Variants in PCDHA11 observed in about 807,000 individuals in gnomAD.
PCDHA11 encodes the protein protocadherin alpha 11, also known as protocadherin alpha-11.
PCDHA11 carries 61 observed loss-of-function variants against 70.3 expected under a neutral mutation model. The observed-to-expected ratio is 0.87, with a 90% CI of 0.71 to 1.07. The LOEUF (loss-of-function observed/expected upper bound fraction) is 1.07, where lower values mean the gene tolerates loss of function less well. Among genes scored for constraint, PCDHA11 ranks in the 50% least tolerant of loss-of-function variants. The pLI, the probability that PCDHA11 is intolerant of heterozygous loss-of-function variation, is 0.00. For synonymous variants in PCDHA11, 633 were observed against 555.1 expected (o/e 1.14, Z -1.97); for missense variants, 1,324 against 1,237.5 (o/e 1.07, Z -1.05).
chr5:140,970,425 C>T (rs1554232453), intron 1 of PCDHA11, among the ~76,000 whole-genome samples: 1 of 151,722 alleles, frequency 6.6e-6, no homozygotes, highest in Non-Finnish European at 1.5e-5. Flanking sequence ...GGTGTAGAGG[C>T]AGGTGTTAGT....
At chr5:140,976,208 A>G (rs2096706017) in intron 1 of PCDHA11, among the ~76,000 whole-genome samples, 1 of 152,202 alleles carries the variant, frequency 6.6e-6, no homozygotes, top group Non-Finnish European at 1.5e-5. Context: ...TCAGAAGTAA[A>G]AAAGAGAAAG....
intron 1 of PCDHA11, chr5:140,877,774 G>T (rs782686661): frequency 1.2e-6 from 2 of 1,614,176 alleles, no homozygotes; most frequent in South Asian, 2.2e-5. Context: ...GCCCAAGACG[G>T]ACCTCATGGC....
At chr5:140,941,299 TC>T (rs1554214293) in intron 1 of PCDHA11, among the ~76,000 whole-genome samples, 2 of 144,342 alleles carry the variant, frequency 1.4e-5, no homozygotes, top group African/African-American at 2.5e-5. Context: ...TTTCTTTCTT[TC>T]TTTCTTTTTC....
intron 1 of PCDHA11, among the ~76,000 whole-genome samples, chr5:140,973,646 A>C (rs1413605589): frequency 1.3e-5 from 2 of 152,216 alleles, no homozygotes; most frequent in African/African-American, 4.8e-5. Flanking sequence ...TTCTGACTGA[A>C]GAAGAAATCT....
At chr5:140,984,680 AT>A (rs1180119303) in intron 3 of PCDHA11, among the ~76,000 whole-genome samples, 1 of 152,158 alleles carries the variant, frequency 6.6e-6, no homozygotes, top group East Asian at 1.9e-4. Context: ...TTAGGACTCA[AT>A]ATATGTTCTG....
intron 1 of PCDHA11, among the ~76,000 whole-genome samples, chr5:140,888,380 A>G (rs1348796416): frequency 6.6e-6 from 1 of 152,192 alleles, no homozygotes; most frequent in East Asian, 1.9e-4. Context: ...GAGCTCTGAG[A>G]TGCTGCTAAA....
chr5:141,005,049 T>C (rs1248594838), intron 3 of PCDHA11, among the ~76,000 whole-genome samples: 6 of 152,264 alleles, frequency 3.9e-5, no homozygotes, highest in African/African-American at 1.4e-4. Context: ...TACCATTTAC[T>C]GAATTCTTGC....
Position 140,881,357 on chromosome 5 carries a change from CT to C in PCDHA11, c.2391+9866del, listed in dbSNP as rs1486951603. 3.0e-6 allele frequency: 3 copies of C among 985,228 alleles called. No homozygotes were observed. The African/African-American group carries it at 5.2e-5, about 17-fold the overall frequency. 61.0% of individuals were successfully genotyped at this position (985,228 alleles called of 1,614,324 possible). A position where few individuals can be genotyped will look rare whatever the true frequency, so the allele number is the denominator to read the frequency against. ...CGCCGATTCGGGCTACAATGCGTGG[CT>C]TTCGTATGAATTGCAGCCGGCGGCG... On this transcript the variant is annotated intron_variant, in intron 1 of 3. Coordinates refer to ENST00000398640, the MANE Select transcript of PCDHA11 (RefSeq NM_018902.5).
intron 1 of PCDHA11, among the ~76,000 whole-genome samples, chr5:140,887,198 G>A (rs1276345927): frequency 2.6e-5 from 4 of 151,490 alleles, no homozygotes; most frequent in Admixed American, 2.6e-4. Flanking sequence ...CCGGGTTCAC[G>A]CCATTCTCCT....
intron 1 of PCDHA11, chr5:140,882,030 T>G (rs1582587950): frequency 3.3e-6 from 2 of 612,804 alleles, no homozygotes; most frequent in East Asian, 5.9e-5. Flanking sequence ...CAATGGAAAA[T>G]ATGAAGACTG....
At chr5:140,970,911 T>C (rs1003828575) in intron 1 of PCDHA11, among the ~76,000 whole-genome samples, 2 of 152,194 alleles carry the variant, frequency 1.3e-5, no homozygotes, top group East Asian at 3.9e-4. Context: ...ATTTATTCAT[T>C]TATCAGAAGT....
chr5:140,869,853 C>A lies in PCDHA11; in HGVS notation c.750C>A (p.Ser250Arg), dbSNP rs1408875478. ...PEFDKSEYKV[S>R]LMENAAKETL... ...TTGATAAATCAGAATATAAGGTGAG[C>A]CTTATGGAAAATGCTGCTAAAGAAA... The change falls in exon 1 of 4, where the codon AGC becomes AGA. Residue 250 changes from serine to arginine, a missense_variant. By Grantham distance (110) the Ser-to-Arg change is moderately radical. Transcript: ENST00000398640. 6.2e-7 allele frequency: 1 copy of A among 1,610,606 alleles called. No individual in the cohort carries two copies. The highest frequency in any genetic ancestry group is 1.7e-5 in the Admixed American group (1 of 59,464).
At chr5:140,884,181 A>G in intron 1 of PCDHA11, 1 of 1,613,332 alleles carries the variant, frequency 6.2e-7, no homozygotes, top group Non-Finnish European at 8.5e-7. Context: ...CGCCCTCTGG[A>G]CGAGGTGGAC....
At chr5:140,882,814 A>T in intron 1 of PCDHA11, 1 of 1,614,248 alleles carries the variant, frequency 6.2e-7, no homozygotes, top group East Asian at 2.2e-5. Context: ...CTTTGGACGC[A>T]CAAAACAGTC....
Position 140,871,309 on chromosome 5 carries a change from C to G in PCDHA11, c.2206C>G (p.Pro736Ala), listed in dbSNP as rs1554165416. The G allele has an allele frequency of 6.2e-7, 1 of 1,614,028 alleles. No homozygotes were observed. Residue 736 changes from proline to alanine, a missense_variant, in exon 1 of 4, where the codon CCC (proline) becomes GCC (alanine). By Grantham distance (27) the Pro-to-Ala change is conservative. Transcript: ENST00000398640. ...PTEGACAPGK[P>A]TLVCSRAVGS... ...TGAGGGCGCGTGCGCGCCGGGGAAG[C>G]CCACGCTGGTGTGCTCCCGCGCGGT...
chr5:140,941,259 T>TTC (rs1340815463), intron 1 of PCDHA11, among the ~76,000 whole-genome samples: 28 of 121,830 alleles, frequency 2.3e-4, no homozygotes, highest in East Asian at 1.1e-3. Flanking sequence ...TTCTTTCTCT[T>TTC]TCTTTCTTTC....
At chr5:140,949,203 T>C (rs879971307) in intron 1 of PCDHA11, among the ~76,000 whole-genome samples, 13 of 151,790 alleles carry the variant, frequency 8.6e-5, no homozygotes, top group East Asian at 1.9e-4. Flanking sequence ...TTCAGTCTTT[T>C]AAAAATCTGT....
At chr5:140,905,035 G>C (rs1554191907) in intron 1 of PCDHA11, among the ~76,000 whole-genome samples, 1 of 152,136 alleles carries the variant, frequency 6.6e-6, no homozygotes. Flanking sequence ...AAGCTTTTTA[G>C]TTTAATTAGG....
chr5:141,002,157 GGGC>G (rs797024683), intron 3 of PCDHA11, among the ~76,000 whole-genome samples: 4 of 152,372 alleles, frequency 2.6e-5, no homozygotes, highest in African/African-American at 9.6e-5. Flanking sequence ...TTAGCAGAGT[GGGC>G]GGTAGGCAGG....
Sources: gnomAD v4.1 joint callset for allele counts (sites outside exome capture counted in the v4.1 genomes callset) on GRCh38, gnomAD v4.1.1 for gene constraint, MANE v1.5 for transcripts, NCBI Gene and HGNC (gene_info 2026-07-23, HGNC 2026-07-21) for gene names.